The following AATF variants were observed in gnomAD, a reference collection of about 807,000 sequenced individuals.
AATF encodes the protein apoptosis antagonizing transcription factor.
In AATF, 48 loss-of-function variants were observed where a neutral mutation model predicts 63.7. The ratio of observed to expected loss-of-function variants is 0.75; its 90% CI spans 0.60 to 0.96. AATF has a LOEUF of 0.96. Ranked by LOEUF, AATF falls within the 40% of genes least tolerant of loss-of-function variation. AATF has a pLI of 0.00. For synonymous variants in AATF, 258 were observed against 247.7 expected (o/e 1.04, Z -0.39); for missense variants, 639 against 685.7 (o/e 0.93, Z 0.76).
chr17:36,955,056 G>A (rs780302167), intron 4 of AATF, among the ~76,000 whole-genome samples: 1 of 152,112 alleles, frequency 6.6e-6, no homozygotes, highest in Non-Finnish European at 1.5e-5. Context: ...GGGATTACAG[G>A]CATGAGCCTC....
intron 8 of AATF, among the ~76,000 whole-genome samples, chr17:37,014,604 G>A (rs1328810090): frequency 6.6e-6 from 1 of 152,014 alleles, no homozygotes; most frequent in Non-Finnish European, 1.5e-5. Flanking sequence ...CTTTACCTCT[G>A]GTGTTCTACA....
At chr17:37,022,000 A>G (rs1240687165) in intron 10 of AATF, among the ~76,000 whole-genome samples, 1 of 152,150 alleles carries the variant, frequency 6.6e-6, no homozygotes. Context: ...GCAATTTCTG[A>G]CTTTAGGAAA....
intron 4 of AATF, among the ~76,000 whole-genome samples, chr17:36,981,198 A>T (rs1261367785): frequency 6.6e-6 from 1 of 152,210 alleles, no homozygotes; most frequent in Non-Finnish European, 1.5e-5. Flanking sequence ...AAAGGCTCGC[A>T]TAGCTACTTG....
intron 4 of AATF, among the ~76,000 whole-genome samples, chr17:36,955,126 C>T (rs1004673940): frequency 6.6e-6 from 1 of 152,102 alleles, no homozygotes; most frequent in African/African-American, 2.4e-5. Flanking sequence ...TTTTCATTTG[C>T]TCTTTAAAAC....
chr17:36,975,734 A>G (rs1252522782), intron 4 of AATF, among the ~76,000 whole-genome samples: 1 of 152,224 alleles, frequency 6.6e-6, no homozygotes, highest in Non-Finnish European at 1.5e-5. Context: ...ACGTTTTGCC[A>G]GATTGCTTTC....
At chr17:37,027,428 A>G (rs1050933555) in intron 10 of AATF, among the ~76,000 whole-genome samples, 1 of 152,094 alleles carries the variant, frequency 6.6e-6, no homozygotes. Context: ...CAGATTACTA[A>G]ATGGTCTTTA....
At chr17:37,000,775 G>T (rs2071288054) in intron 8 of AATF, among the ~76,000 whole-genome samples, 1 of 152,302 alleles carries the variant, frequency 6.6e-6, no homozygotes, top group Non-Finnish European at 1.5e-5. Flanking sequence ...CAAAAGTGAT[G>T]AAGAAGGAGC....
chr17:37,054,684 T>G (rs1275104929), intron 11 of AATF: 2 of 152,222 alleles, frequency 1.3e-5, no homozygotes, highest in Non-Finnish European at 2.9e-5. Flanking sequence ...GCACTGATAT[T>G]GCGCGCAGAG....
chr17:37,037,375 G>A (rs367995155), intron 11 of AATF, among the ~76,000 whole-genome samples: 2 of 152,208 alleles, frequency 1.3e-5, no homozygotes, highest in South Asian at 2.1e-4. Flanking sequence ...AGCTATCAGT[G>A]GCCTAAGGAG....
chr17:37,053,932 C>T (rs1255575520), intron 11 of AATF, among the ~76,000 whole-genome samples: 1 of 152,210 alleles, frequency 6.6e-6, no homozygotes, highest in African/African-American at 2.4e-5. Flanking sequence ...ATGTAGGTTC[C>T]ATTGCAGGCA....
chr17:36,985,540 G>GT (rs904918497), intron 4 of AATF, among the ~76,000 whole-genome samples: 6 of 150,056 alleles, frequency 4.0e-5, no homozygotes, highest in South Asian at 4.2e-4. Context: ...CCGAGGACCA[G>GT]TTTTTTTTGT....
intron 8 of AATF, among the ~76,000 whole-genome samples, chr17:37,000,968 A>G (rs1267489869): frequency 6.6e-6 from 1 of 151,754 alleles, no homozygotes; most frequent in African/African-American, 2.4e-5. Context: ...ACCTCCCACA[A>G]AAAAAAGGTA....
At chr17:36,996,775 T>A (rs2071258038) in intron 8 of AATF, among the ~76,000 whole-genome samples, 2 of 152,180 alleles carry the variant, frequency 1.3e-5, no homozygotes, top group Non-Finnish European at 2.9e-5. Context: ...GCCACATTTT[T>A]AAATGCGAAG....
chr17:37,007,731 A>G (rs542463070), intron 8 of AATF, among the ~76,000 whole-genome samples: 124 of 152,212 alleles, frequency 8.1e-4, no homozygotes, highest in Non-Finnish European at 1.6e-3. Context: ...GCTCCAGCGA[A>G]GAGGACATGG....
At chr17:36,954,572 T>C (rs1031874983) in intron 4 of AATF, among the ~76,000 whole-genome samples, 1 of 152,104 alleles carries the variant, frequency 6.6e-6, no homozygotes, top group Non-Finnish European at 1.5e-5. Context: ...TTGAGTGACA[T>C]AGAGTGAGGA....
At chr17:37,026,730 T>G (rs2071513733) in intron 10 of AATF, among the ~76,000 whole-genome samples, 1 of 152,230 alleles carries the variant, frequency 6.6e-6, no homozygotes, top group East Asian at 1.9e-4. Context: ...CTAATTGGTC[T>G]GATTCCAGAG....
At chr17:37,029,418 A>G (rs944206735) in intron 10 of AATF, among the ~76,000 whole-genome samples, 27 of 151,452 alleles carry the variant, frequency 1.8e-4, no homozygotes, top group Non-Finnish European at 3.4e-4. Context: ...TAATTTTTGT[A>G]TTTTTAGTAG....
chr17:37,046,917 A>G (rs781420701), intron 11 of AATF, among the ~76,000 whole-genome samples: 5 of 152,166 alleles, frequency 3.3e-5, no homozygotes, highest in Non-Finnish European at 7.4e-5. Context: ...AGGAGCTGTT[A>G]GAGGGGCTGC....
chr17:37,054,646 A>C (rs913315475), intron 11 of AATF: 3 of 152,264 alleles, frequency 2.0e-5, no homozygotes, highest in Non-Finnish European at 4.4e-5. Flanking sequence ...TGCTGCGGAC[A>C]GTAACTGCTG....
Sources: allele counts gnomAD v4.1 joint callset (sites outside exome capture counted in the v4.1 genomes callset), GRCh38; gene constraint gnomAD v4.1.1; transcripts MANE v1.5; gene names NCBI Gene and HGNC (gene_info 2026-07-23, HGNC 2026-07-21).